Variants in ARHGAP10 observed in about 807,000 individuals in gnomAD.
ARHGAP10 encodes the protein rho GTPase-activating protein 10.
In ARHGAP10, 87 loss-of-function variants were observed where a neutral mutation model predicts 108.6. That is an observed-to-expected ratio of 0.80 (90% confidence interval 0.67 to 0.96). The LOEUF (loss-of-function observed/expected upper bound fraction) is 0.96, where lower values mean the gene tolerates loss of function less well. ARHGAP10 is among the 40% of genes least tolerant of loss of function. The pLI is 0.00. For missense variants in ARHGAP10, 939 were observed against 954.5 expected, an observed-to-expected ratio of 0.98 and a Z score of 0.21; for synonymous variants, 347 against 341.1, an observed-to-expected ratio of 1.02 and a Z score of -0.19.
At chr4:147,850,957 C>A (rs1213695873) in intron 4 of ARHGAP10, among the ~76,000 whole-genome samples, 4 of 152,114 alleles carry the variant, frequency 2.6e-5, no homozygotes, top group Non-Finnish European at 4.4e-5. Context: ...TGAGAAATAC[C>A]AGAACGTGAT....
intron 1 of ARHGAP10, among the ~76,000 whole-genome samples, chr4:147,784,542 T>C (rs1345851035): frequency 1.7e-5 from 2 of 117,498 alleles, no homozygotes; most frequent in Admixed American, 2.1e-4. Flanking sequence ...ACATATATTT[T>C]ATAGTATATA....
intron 18 of ARHGAP10, among the ~76,000 whole-genome samples, chr4:147,994,169 C>T (rs1645281883): frequency 1.3e-5 from 2 of 152,192 alleles, no homozygotes; most frequent in Non-Finnish European, 2.9e-5. Context: ...TCCTTTTGAG[C>T]TTAAATGATG....
intron 3 of ARHGAP10, among the ~76,000 whole-genome samples, chr4:147,842,678 A>G (rs1733464028): frequency 1.3e-5 from 2 of 152,166 alleles, no homozygotes; most frequent in African/African-American, 4.8e-5. Flanking sequence ...TGAGCTGTGC[A>G]TAATCTCCTT....
intron 19 of ARHGAP10, among the ~76,000 whole-genome samples, chr4:148,037,556 C>T (rs1023160794): frequency 6.6e-5 from 10 of 152,158 alleles, no homozygotes; most frequent in South Asian, 4.2e-4. Context: ...GGATGTTGGC[C>T]GGGCACGGTG....
At chr4:148,035,041 A>G (rs1477631765) in intron 19 of ARHGAP10, among the ~76,000 whole-genome samples, 1 of 152,186 alleles carries the variant, frequency 6.6e-6, no homozygotes, top group Non-Finnish European at 1.5e-5. Flanking sequence ...GCAGATTTCC[A>G]TCGACCTTTG....
chr4:147,973,192 G>A (rs1421833303), intron 18 of ARHGAP10, among the ~76,000 whole-genome samples: 1 of 152,162 alleles, frequency 6.6e-6, no homozygotes, highest in Admixed American at 6.5e-5. Flanking sequence ...AAAGCAGGAG[G>A]AAAAGCCAGA....
intron 1 of ARHGAP10, among the ~76,000 whole-genome samples, chr4:147,791,728 G>A (rs1186710365): frequency 6.6e-6 from 1 of 151,960 alleles, no homozygotes; most frequent in Admixed American, 6.6e-5. Flanking sequence ...GAGATTATAG[G>A]CACCCGCCAC....
chr4:147,842,327 A>G (rs1733450184), intron 3 of ARHGAP10, among the ~76,000 whole-genome samples: 1 of 152,212 alleles, frequency 6.6e-6, no homozygotes, highest in Non-Finnish European at 1.5e-5. Context: ...GGAAAAATAT[A>G]ATGACCTAAG....
In ARHGAP10 at chr4:147,813,571, CA is replaced by C. The variant is rs78919355; in HGVS notation, c.155-9153del. Among the ~76,000 whole-genome samples, 3 of 152,332 alleles carry C rather than the reference CA, an allele frequency of 2.0e-5. No homozygotes were observed. In the East Asian group the frequency reaches 5.8e-4, roughly 29 times the overall value. On this transcript the variant is annotated intron_variant, in intron 1 of 22. Transcript: ENST00000336498. ...GGCCTGCCAGGCAGTGACATGGCAG[CA>C]AACCCAGAGTCTGACAGCAAGAATT...
intron 10 of ARHGAP10, among the ~76,000 whole-genome samples, chr4:147,883,859 TAA>T (rs1012408009): frequency 5.8e-4 from 88 of 152,180 alleles, no homozygotes; most frequent in African/African-American, 9.2e-4. Context: ...CAGACCCGGC[TAA>T]TTTTTGTATT....
At chr4:147,993,732 G>A (rs1404091719) in intron 18 of ARHGAP10, among the ~76,000 whole-genome samples, 1 of 152,192 alleles carries the variant, frequency 6.6e-6, no homozygotes, top group Non-Finnish European at 1.5e-5. Flanking sequence ...AGTCAACATA[G>A]TTGTGTCTTC....
chr4:147,837,406 A>T (rs921283509), intron 3 of ARHGAP10, among the ~76,000 whole-genome samples: 1 of 152,214 alleles, frequency 6.6e-6, no homozygotes, highest in Non-Finnish European at 1.5e-5. Flanking sequence ...GTTTGAACAT[A>T]AAGGAAATTC....
intron 1 of ARHGAP10, among the ~76,000 whole-genome samples, chr4:147,749,997 G>A (rs1425380076): frequency 1.3e-5 from 2 of 152,178 alleles, no homozygotes; most frequent in African/African-American, 2.4e-5. Context: ...TTTTGGCAGT[G>A]TTTACCTGAG....
chr4:147,857,752 T>A, intron 5 of ARHGAP10, 98 bp downstream of exon 5: 1 of 1,085,042 alleles, frequency 9.2e-7, no homozygotes, highest in Non-Finnish European at 1.2e-6. Flanking sequence ...TCATCTGGCA[T>A]TATATAGAGA....
At chr4:148,016,599 G>A (rs576907086) in intron 18 of ARHGAP10, among the ~76,000 whole-genome samples, 2 of 152,316 alleles carry the variant, frequency 1.3e-5, no homozygotes, top group South Asian at 2.1e-4. Flanking sequence ...GTGTCCAGAT[G>A]TGTGGGGGTT....
intron 19 of ARHGAP10, among the ~76,000 whole-genome samples, chr4:148,043,952 C>G (rs1045799497): frequency 1.6e-4 from 24 of 151,844 alleles, no homozygotes; most frequent in African/African-American, 5.8e-4. Context: ...TTTATTCTCC[C>G]TCAAATTCAG....
intron 1 of ARHGAP10, among the ~76,000 whole-genome samples, chr4:147,799,735 A>G (rs1731497764): frequency 6.6e-6 from 1 of 152,210 alleles, no homozygotes; most frequent in Admixed American, 6.5e-5. Context: ...TTGATTATTG[A>G]AGCACTTGTA....
intron 18 of ARHGAP10, among the ~76,000 whole-genome samples, chr4:147,969,115 A>AC (rs1472375506): frequency 6.6e-6 from 1 of 152,180 alleles, no homozygotes; most frequent in Non-Finnish European, 1.5e-5. Flanking sequence ...TGGGAAAGAG[A>AC]CAGGCAAACA....
At chr4:147,879,681 C>T (rs2126869345) in intron 9 of ARHGAP10, among the ~76,000 whole-genome samples, 1 of 152,206 alleles carries the variant, frequency 6.6e-6, no homozygotes, top group African/African-American at 2.4e-5. Flanking sequence ...TCTCCTAATG[C>T]TATCCCTCCC....
Sources: allele counts gnomAD v4.1 joint callset (sites outside exome capture counted in the v4.1 genomes callset), GRCh38; gene constraint gnomAD v4.1.1; transcripts MANE v1.5; gene names NCBI Gene and HGNC (gene_info 2026-07-23, HGNC 2026-07-21).